The following FGGY variants were observed in gnomAD, a reference collection of about 807,000 sequenced individuals.
The protein encoded by FGGY is FGGY carbohydrate kinase domain containing, also known as FGGY carbohydrate kinase domain-containing protein.
In FGGY, 72 loss-of-function variants were observed where a neutral mutation model predicts 71.3. The ratio of observed to expected loss-of-function variants is 1.01; its 90% CI spans 0.84 to 1.23. The LOEUF (loss-of-function observed/expected upper bound fraction) is 1.23, where lower values mean the gene tolerates loss of function less well. Ranked by LOEUF, FGGY falls within the 50% of genes most tolerant of loss-of-function variation. The pLI is 0.00. For missense variants in FGGY, 668 were observed against 682.3 expected (o/e 0.98, Z 0.23); for synonymous variants, 251 against 250.3 (o/e 1.00, Z -0.02).
chr1:59,327,913 T>A (rs2047724615), intron 2 of FGGY, among the ~76,000 whole-genome samples: 1 of 152,196 alleles, frequency 6.6e-6, no homozygotes, highest in South Asian at 2.1e-4. Flanking sequence ...GAGCAGTAAG[T>A]CTCAACAGCA....
chr1:59,611,542 AT>A (rs1278597244), intron 9 of FGGY, among the ~76,000 whole-genome samples: 1 of 152,162 alleles, frequency 6.6e-6, no homozygotes, highest in African/African-American at 2.4e-5. Flanking sequence ...AACCACAAAG[AT>A]GGGGAAAAAA....
chr1:59,660,110 G>T, intron 11 of FGGY, 109 bp from the exon 12 acceptor site: 1 of 942,260 alleles, frequency 1.1e-6, no homozygotes, highest in Non-Finnish European at 1.7e-6. Flanking sequence ...ATTTGCATAT[G>T]AACTTGTTTC....
chr1:59,428,206 C>T (rs1338565695), intron 5 of FGGY, among the ~76,000 whole-genome samples: 1 of 152,192 alleles, frequency 6.6e-6, no homozygotes, highest in Non-Finnish European at 1.5e-5. Flanking sequence ...AATAATTACT[C>T]AGGGATCTAT....
chr1:59,447,572 T>C (rs2071584434), intron 5 of FGGY, among the ~76,000 whole-genome samples: 1 of 152,162 alleles, frequency 6.6e-6, no homozygotes, highest in Non-Finnish European at 1.5e-5. Flanking sequence ...GTAATTCCCA[T>C]GTGTTATGGG....
chr1:59,373,712 T>C (rs1005678153), intron 4 of FGGY, among the ~76,000 whole-genome samples: 4 of 152,008 alleles, frequency 2.6e-5, no homozygotes, highest in African/African-American at 9.7e-5. Flanking sequence ...AACAGAGATA[T>C]AGATCAATGG....
chr1:59,671,161 C>T (rs1196631015), intron 13 of FGGY, among the ~76,000 whole-genome samples: 1 of 152,138 alleles, frequency 6.6e-6, no homozygotes, highest in Non-Finnish European at 1.5e-5. Flanking sequence ...AGAAAAAGTG[C>T]CCTTGGTCTT....
chr1:59,417,823 A>G (rs2064728232), intron 5 of FGGY, among the ~76,000 whole-genome samples: 1 of 152,220 alleles, frequency 6.6e-6, no homozygotes, highest in Admixed American at 6.5e-5. Context: ...TATAATAGGT[A>G]CTTAAATTTA....
At chr1:59,352,132 T>C (rs1454536707) in intron 4 of FGGY, among the ~76,000 whole-genome samples, 9 of 152,312 alleles carry the variant, frequency 5.9e-5, no homozygotes, top group Admixed American at 5.2e-4. Flanking sequence ...TGATTCTGAC[T>C]CTCATCTTAA....
chr1:59,442,314 T>G (rs1210918559), intron 5 of FGGY, among the ~76,000 whole-genome samples: 1 of 152,254 alleles, frequency 6.6e-6, no homozygotes, highest in African/African-American at 2.4e-5. Context: ...CAAGTCTGAA[T>G]GTATCCTCCT....
At chr1:59,585,914 T>A (rs1338025487) in intron 8 of FGGY, among the ~76,000 whole-genome samples, 1 of 152,114 alleles carries the variant, frequency 6.6e-6, no homozygotes, top group East Asian at 1.9e-4. Flanking sequence ...CATGAAAAAA[T>A]GCTCATCATC....
intron 4 of FGGY, among the ~76,000 whole-genome samples, chr1:59,347,400 T>C (rs2052282403): frequency 6.6e-6 from 1 of 152,156 alleles, no homozygotes; most frequent in African/African-American, 2.4e-5. Flanking sequence ...TCCAGCTTCA[T>C]GCATGTCCCT....
intron 14 of FGGY, among the ~76,000 whole-genome samples, chr1:59,685,266 C>T (rs1182814232): frequency 6.6e-6 from 1 of 151,988 alleles, no homozygotes; most frequent in Non-Finnish European, 1.5e-5. Context: ...TGGGGCAGAG[C>T]CTACAGCTGT....
At chr1:59,400,381 GTATTC>G (rs2061801663) in intron 5 of FGGY, among the ~76,000 whole-genome samples, 1 of 152,160 alleles carries the variant, frequency 6.6e-6, no homozygotes, top group South Asian at 2.1e-4. Flanking sequence ...TCATAAATAT[GTATTC>G]TAGACATGAC....
At position 59,600,982 on chromosome 1, in the gene FGGY, C is replaced by CTTTT. The variant is rs377505663; in HGVS notation, c.904-6806_904-6803dup. On this transcript the variant is annotated intron_variant, in intron 8 of 15. Coordinates refer to ENST00000303721, the MANE Select transcript of FGGY (RefSeq NM_018291.5). ...CCATTCATAAACAAAATTCTCTATG[C>CTTTT]TTTTTTTTTTTTTTTTTTGTACCAT... Among the ~76,000 whole-genome samples the CTTTT allele has an allele frequency of 9.8e-4, 125 of 127,040 alleles. 1 individual carries two copies. Among genetic ancestry groups the CTTTT allele is most frequent in the African/African-American group, 2.3e-3 (75 of 33,312 alleles). The allele number at this position is 127,040 out of a possible 152,430, so 83.3% of individuals were successfully genotyped here. A position where few individuals can be genotyped will look rare whatever the true frequency, so the allele number is the denominator to read the frequency against.
At chr1:59,723,696 A>T (rs769987741) in intron 14 of FGGY, among the ~76,000 whole-genome samples, 1 of 152,132 alleles carries the variant, frequency 6.6e-6, no homozygotes, top group Non-Finnish European at 1.5e-5. Flanking sequence ...ACACAGTTAC[A>T]TTGTTTTTGA....
At chr1:59,480,345 G>A (rs925889295) in intron 6 of FGGY, among the ~76,000 whole-genome samples, 3 of 152,060 alleles carry the variant, frequency 2.0e-5, no homozygotes, top group African/African-American at 4.8e-5. Flanking sequence ...CCTTCTCACC[G>A]CAAGATCTGC....
intron 14 of FGGY, among the ~76,000 whole-genome samples, chr1:59,745,481 T>C (rs1339156600): frequency 6.6e-6 from 1 of 152,222 alleles, no homozygotes; most frequent in Non-Finnish European, 1.5e-5. Context: ...GCTGATCTGC[T>C]GGCCAAAGGA....
At chr1:59,469,659 A>G (rs1465496981) in intron 6 of FGGY, among the ~76,000 whole-genome samples, 1 of 152,086 alleles carries the variant, frequency 6.6e-6, no homozygotes, top group Non-Finnish European at 1.5e-5. Flanking sequence ...AACTTGTGTC[A>G]TGGGGGTTTG....
At chr1:59,314,204 A>T (rs1250641461) in intron 1 of FGGY, among the ~76,000 whole-genome samples, 2 of 152,074 alleles carry the variant, frequency 1.3e-5, no homozygotes, top group Non-Finnish European at 2.9e-5. Context: ...TGACCTTGTG[A>T]TCCGCCCGTC....
Sources: allele counts gnomAD v4.1 joint callset (sites outside exome capture counted in the v4.1 genomes callset), GRCh38; gene constraint gnomAD v4.1.1; transcripts MANE v1.5; gene names NCBI Gene and HGNC (gene_info 2026-07-23, HGNC 2026-07-21).